Variants in TRPC5 observed in about 807,000 individuals in gnomAD.
TRPC5 encodes transient receptor potential cation channel subfamily C member 5.
In TRPC5, 9 loss-of-function variants were observed where a neutral mutation model predicts 56.5. The ratio of observed to expected loss-of-function variants is 0.16; its 90% confidence interval spans 0.10 to 0.28. TRPC5 has a LOEUF of 0.28. TRPC5 is among the 10% of genes least tolerant of loss of function. The probability of loss-of-function intolerance (pLI) is 1.00; values close to 1 mark genes in which losing one functional copy is unlikely to be tolerated. For missense variants in TRPC5, 469 were observed against 748.9 expected (o/e 0.63, Z 4.36); for synonymous variants, 282 against 278.5 (o/e 1.01, Z -0.13).
At chrX:112,015,321 C>A (rs1247434393) in intron 1 of TRPC5, among the ~76,000 whole-genome samples, 1 of 111,644 alleles carries the variant, frequency 9.0e-6, no homozygotes, top group Non-Finnish European at 1.9e-5. Flanking sequence ...CTGAATCATG[C>A]AGATTTTCCC....
chrX:111,879,148 T>C (rs944534218), intron 3 of TRPC5, among the ~76,000 whole-genome samples: 11 of 112,166 alleles, frequency 9.8e-5, no homozygotes, highest in Non-Finnish European at 2.1e-4. Context: ...AAAGCATCTT[T>C]CAAATATGAG....
At chrX:111,838,786 G>A (rs1249181450) in intron 6 of TRPC5, among the ~76,000 whole-genome samples, 1 of 111,631 alleles carries the variant, frequency 9.0e-6, no homozygotes, top group African/African-American at 3.3e-5. Context: ...ACAAAGCTAA[G>A]AGGGGTAAAG....
intron 1 of TRPC5, among the ~76,000 whole-genome samples, chrX:112,057,997 CT>C (rs1309100568): frequency 9.0e-6 from 1 of 111,462 alleles, no homozygotes; most frequent in Non-Finnish European, 1.9e-5. Context: ...CCACCTATGC[CT>C]GTTCTTGCTT....
intron 2 of TRPC5, among the ~76,000 whole-genome samples, chrX:111,949,644 T>C (rs1217837695): frequency 8.9e-6 from 1 of 111,914 alleles, no homozygotes; most frequent in Admixed American, 9.5e-5. Context: ...CACAGAGCGA[T>C]ACCACCTCAC....
intron 3 of TRPC5, among the ~76,000 whole-genome samples, chrX:111,908,115 A>G (rs190477744): frequency 1.8e-5 from 2 of 112,330 alleles, no homozygotes; most frequent in Admixed American, 1.9e-4. Context: ...GAGAAATTAG[A>G]GGTTGTATGC....
rs569669125 is a variant in TRPC5 at position 111,781,785 on chromosome X, C to A, written c.2100+150G>T. 11 of 441,170 alleles carry A rather than the reference C, an allele frequency of 2.5e-5. No homozygotes were observed. The South Asian group carries it at 4.9e-4, about 20-fold the overall frequency. 36.4% of individuals were successfully genotyped at this position (441,170 alleles called of 1,213,427 possible). A position where few individuals can be genotyped will look rare whatever the true frequency, so the allele number is the denominator to read the frequency against. On this transcript the variant is annotated intron_variant, in intron 8 of 10. Coordinates refer to ENST00000262839, the MANE Select transcript of TRPC5 (RefSeq NM_012471.3). Reference sequence around the variant, plus strand: ...TGGCAGACGCCTGTAATCCCAGCTACTGGGGAGGCTGAGGCATGAGAATTG... The same window carrying A: ...TGGCAGACGCCTGTAATCCCAGCTAATGGGGAGGCTGAGGCATGAGAATTG...
At chrX:111,907,982 CATT>C (rs1394547239) in intron 3 of TRPC5, among the ~76,000 whole-genome samples, 2 of 111,427 alleles carry the variant, frequency 1.8e-5, no homozygotes, top group Non-Finnish European at 3.8e-5. Flanking sequence ...TAGCTCACAT[CATT>C]GAGCTAAATT....
chrX:111,841,011 C>T (rs947475012), intron 6 of TRPC5, among the ~76,000 whole-genome samples: 2 of 111,815 alleles, frequency 1.8e-5, no homozygotes, highest in Admixed American at 9.5e-5. Flanking sequence ...GTGATAATAG[C>T]ATCAGGAAGG....
intron 3 of TRPC5, among the ~76,000 whole-genome samples, chrX:111,901,205 C>T (rs1256392742): frequency 1.8e-5 from 2 of 111,606 alleles, no homozygotes; most frequent in African/African-American, 6.5e-5. Context: ...TTCAGCAGCA[C>T]CCAGATATAA....
intron 6 of TRPC5, among the ~76,000 whole-genome samples, chrX:111,840,986 G>A (rs1168367985): frequency 8.9e-6 from 1 of 111,813 alleles, no homozygotes; most frequent in Non-Finnish European, 1.9e-5. Context: ...AAGTACAAAC[G>A]AGTAGCAGCA....
chrX:111,918,972 G>A (rs933169771), intron 2 of TRPC5, among the ~76,000 whole-genome samples: 11 of 110,711 alleles, frequency 9.9e-5, no homozygotes, highest in Non-Finnish European at 1.5e-4. Flanking sequence ...GTGATGACAC[G>A]TATTGGGCTG....
At chrX:111,803,401 T>C (rs1348804229) in intron 7 of TRPC5, among the ~76,000 whole-genome samples, 1 of 112,540 alleles carries the variant, frequency 8.9e-6, no homozygotes, top group Non-Finnish European at 1.9e-5. Context: ...AAATTGTATT[T>C]CTCATTCTAG....
rs749202110 is a variant in TRPC5 at position 111,852,443 on chromosome X, GA to G, written c.1238-7del. ...AATCTCACCCCAAATGAAACCTGAA[GA>G]ATGGAGGAAAACAGTTTATTTCTAC... On this transcript the variant is annotated splice_region_variant and splice_polypyrimidine_tract_variant and intron_variant, in intron 4 of 10. Transcript: ENST00000262839. 3 of 1,203,635 alleles carry G rather than the reference GA, an allele frequency of 2.5e-6. No homozygotes were observed. The highest frequency in any genetic ancestry group is 2.2e-6 in the Non-Finnish European group (2 of 891,914).
intron 4 of TRPC5, among the ~76,000 whole-genome samples, chrX:111,853,537 A>G (rs1310060828): frequency 9.0e-6 from 1 of 111,669 alleles, no homozygotes; most frequent in Non-Finnish European, 1.9e-5. Flanking sequence ...TCTGTCCTTG[A>G]AGATATTAAG....
intron 1 of TRPC5, among the ~76,000 whole-genome samples, chrX:111,967,472 A>T (rs1259193430): frequency 8.9e-6 from 1 of 111,962 alleles, no homozygotes; most frequent in Admixed American, 9.5e-5. Flanking sequence ...AGAACTGGAA[A>T]AAAACTACTT....
At chrX:111,799,571 T>C (rs1191635814) in intron 7 of TRPC5, among the ~76,000 whole-genome samples, 1 of 110,854 alleles carries the variant, frequency 9.0e-6, no homozygotes, top group Non-Finnish European at 1.9e-5. Context: ...AAAACCTCGA[T>C]AAAAAGAACA....
At chrX:111,846,060 T>C (rs1367988338) in intron 6 of TRPC5, among the ~76,000 whole-genome samples, 1 of 111,468 alleles carries the variant, frequency 9.0e-6, no homozygotes, top group Admixed American at 9.5e-5. Flanking sequence ...CACTGTTTTG[T>C]TTTGTTTTGT....
intron 1 of TRPC5, among the ~76,000 whole-genome samples, chrX:112,081,505 C>G (rs750699068): frequency 9.0e-6 from 1 of 111,294 alleles, no homozygotes; most frequent in East Asian, 2.8e-4. Flanking sequence ...CCACACTAAT[C>G]GATTTTAAGG....
chrX:112,073,835 T>C (rs1050911245), intron 1 of TRPC5, among the ~76,000 whole-genome samples: 7 of 111,940 alleles, frequency 6.3e-5, no homozygotes, highest in Admixed American at 4.8e-4. Context: ...GCACCACTTC[T>C]CTGTTACCTA....
Sources: allele counts gnomAD v4.1 joint callset (sites outside exome capture counted in the v4.1 genomes callset), GRCh38; gene constraint gnomAD v4.1.1; transcripts MANE v1.5; gene names NCBI Gene and HGNC (gene_info 2026-07-23, HGNC 2026-07-21).